The following ITPR1 variants were observed in gnomAD, a reference collection of about 807,000 sequenced individuals.
The protein encoded by ITPR1 is inositol 1,4,5-trisphosphate receptor type 1.
Under a neutral mutation model 318.4 loss-of-function variants are expected in ITPR1, and 96 were observed. The observed-to-expected ratio is 0.30, with a 90% CI of 0.26 to 0.36. The LOEUF is 0.36. Among genes scored for constraint, ITPR1 ranks in the 10% least tolerant of loss-of-function variants. The probability of loss-of-function intolerance (pLI) is 1.00; values close to 1 mark genes in which losing one functional copy is unlikely to be tolerated. For synonymous variants in ITPR1, 1,312 were observed against 1,289.9 expected, an observed-to-expected ratio of 1.02 and a Z score of -0.37; for missense variants, 2,440 against 3,460.2, an observed-to-expected ratio of 0.71 and a Z score of 7.40.
At chr3:4,653,718 G>A in intron 11 of ITPR1, 124 bp from the exon 12 acceptor site, 1 of 653,206 alleles carries the variant, frequency 1.5e-6, no homozygotes, top group South Asian at 1.9e-5. Flanking sequence ...TTTGTGAACA[G>A]AGGGAATGGA....
chr3:4,632,187 A>G (rs753507788), intron 5 of ITPR1, among the ~76,000 whole-genome samples: 2 of 152,232 alleles, frequency 1.3e-5, no homozygotes, highest in African/African-American at 2.4e-5. Flanking sequence ...AAGGTTGGTC[A>G]GTCCTGCATG....
intron 2 of ITPR1, among the ~76,000 whole-genome samples, chr3:4,509,288 A>T (rs932634477): frequency 3.9e-5 from 6 of 152,206 alleles, no homozygotes; most frequent in Non-Finnish European, 8.8e-5. Flanking sequence ...TTCCAAGTGT[A>T]CACTCTTGTC....
chr3:4,748,313 G>A (rs1015876353), intron 44 of ITPR1, among the ~76,000 whole-genome samples: 1 of 152,224 alleles, frequency 6.6e-6, no homozygotes, highest in Non-Finnish European at 1.5e-5. Flanking sequence ...CTAGAGAGCA[G>A]TGTCTATCTT....
chr3:4,514,699 T>A (rs2082063411), intron 2 of ITPR1, among the ~76,000 whole-genome samples: 1 of 152,220 alleles, frequency 6.6e-6, no homozygotes, highest in Non-Finnish European at 1.5e-5. Flanking sequence ...TGTACAGACA[T>A]AAATTTGGTC....
intron 7 of ITPR1, among the ~76,000 whole-genome samples, chr3:4,643,504 T>C (rs1031893498): frequency 1.3e-5 from 2 of 152,064 alleles, no homozygotes; most frequent in Non-Finnish European, 2.9e-5. Context: ...GGCCATGAAA[T>C]CAGTTTAGTG....
chr3:4,810,406 C>G (rs879343383), intron 55 of ITPR1, among the ~76,000 whole-genome samples: 8 of 152,190 alleles, frequency 5.3e-5, no homozygotes, highest in Non-Finnish European at 8.8e-5. Context: ...CCTATATGTA[C>G]CTACAAGGAT....
intron 36 of ITPR1, 122 bp from the exon 37 acceptor site, chr3:4,706,045 C>A: frequency 1.1e-6 from 1 of 929,238 alleles, no homozygotes; most frequent in Non-Finnish European, 1.6e-6. Flanking sequence ...AGCTCAATAC[C>A]AGGCAAGCTG....
chr3:4,806,493 A>G (rs980853636), intron 55 of ITPR1, among the ~76,000 whole-genome samples: 4 of 152,084 alleles, frequency 2.6e-5, no homozygotes, highest in African/African-American at 9.7e-5. Flanking sequence ...TGTACTGGGC[A>G]CTCCCGATCT....
chr3:4,633,306 C>T (rs571732063), intron 5 of ITPR1, among the ~76,000 whole-genome samples: 3 of 152,102 alleles, frequency 2.0e-5, no homozygotes, highest in Admixed American at 2.0e-4. Flanking sequence ...TGGAACTTTT[C>T]CCCCTAGTGT....
chr3:4,686,971 G>T (rs1378833639), intron 30 of ITPR1, among the ~76,000 whole-genome samples: 2 of 152,178 alleles, frequency 1.3e-5, no homozygotes, highest in Non-Finnish European at 2.9e-5. Flanking sequence ...GTTGTCCTGG[G>T]ACTTGCTATT....
chr3:4,811,856 G>A (rs939290249), intron 56 of ITPR1, among the ~76,000 whole-genome samples: 6 of 152,178 alleles, frequency 3.9e-5, no homozygotes, highest in Admixed American at 3.3e-4. Flanking sequence ...ATGGGAGAAC[G>A]TTCGCTGCAG....
chr3:4,626,527 T>C (rs901948252), intron 4 of ITPR1, among the ~76,000 whole-genome samples: 1 of 152,194 alleles, frequency 6.6e-6, no homozygotes, highest in African/African-American at 2.4e-5. Flanking sequence ...TTTTTTGGTT[T>C]GCTGGGTTGC....
chr3:4,502,543 C>T (rs757410710), intron 2 of ITPR1, among the ~76,000 whole-genome samples: 4 of 151,768 alleles, frequency 2.6e-5, no homozygotes, highest in Admixed American at 1.3e-4. Flanking sequence ...CAGGTTCAAG[C>T]GATTCTCCTG....
intron 4 of ITPR1, among the ~76,000 whole-genome samples, chr3:4,567,548 T>C (rs1006639994): frequency 3.3e-5 from 5 of 152,102 alleles, no homozygotes; most frequent in African/African-American, 9.7e-5. Flanking sequence ...TGCGGTGGGC[T>C]TGGGGGCTGA....
At chr3:4,665,486 C>T (rs2093926574) in intron 17 of ITPR1, among the ~76,000 whole-genome samples, 190 bp downstream of exon 17, 1 of 152,190 alleles carries the variant, frequency 6.6e-6, no homozygotes, top group Admixed American at 6.5e-5. Flanking sequence ...AAGAAACGTA[C>T]TGGAGAATTC....
intron 44 of ITPR1, among the ~76,000 whole-genome samples, chr3:4,764,531 G>T (rs374428378): frequency 5.3e-5 from 8 of 152,348 alleles, no homozygotes; most frequent in Admixed American, 1.3e-4. Flanking sequence ...TGAACGGTCA[G>T]TGCAACAGTG....
chr3:4,505,198 T>C (rs753410112), intron 2 of ITPR1, among the ~76,000 whole-genome samples: 18 of 152,194 alleles, frequency 1.2e-4, no homozygotes, highest in Non-Finnish European at 1.8e-4. Context: ...GGAAGCTTTT[T>C]TCCCCTTGTT....
intron 20 of ITPR1, 121 bp from the exon 21 acceptor site, chr3:4,673,015 G>GATGT (rs1476381386): frequency 2.9e-6 from 3 of 1,023,182 alleles, no homozygotes; most frequent in Non-Finnish European, 4.2e-6. Context: ...TAGGGGTGTT[G>GATGT]ATGTATGAGT....
intron 58 of ITPR1, 60 bp from the exon 59 acceptor site, chr3:4,814,993 G>T: frequency 7.0e-7 from 1 of 1,420,614 alleles, no homozygotes; most frequent in East Asian, 2.3e-5. Flanking sequence ...TGTGCCCCAG[G>T]CTCCGCAGAC....
Sources: gnomAD v4.1 joint callset for allele counts (sites outside exome capture counted in the v4.1 genomes callset) on GRCh38, gnomAD v4.1.1 for gene constraint, MANE v1.5 for transcripts, NCBI Gene and HGNC (gene_info 2026-07-23, HGNC 2026-07-21) for gene names.